The following MALRD1 variants were observed in gnomAD, a reference collection of about 807,000 sequenced individuals.
The protein encoded by MALRD1 is MAM and LDL-receptor class A domain-containing protein 1.
MALRD1 carries 247 observed loss-of-function variants against 242.1 expected under a neutral mutation model. That is an observed-to-expected ratio of 1.02 (90% CI 0.92 to 1.13). The LOEUF is 1.13. MALRD1 is among the 50% of genes most tolerant of loss of function. The pLI is 0.00. For missense variants in MALRD1, 2,989 were observed against 2,533.1 expected (o/e 1.18, Z -3.86); for synonymous variants, 995 against 866.6 (o/e 1.15, Z -2.60).
intron 38 of MALRD1, among the ~76,000 whole-genome samples, chr10:19,728,720 C>A (rs570352116): frequency 4.6e-5 from 7 of 152,198 alleles, no homozygotes; most frequent in African/African-American, 1.4e-4. Flanking sequence ...TTTTGATCAT[C>A]CCTACTTCCA....
At position 19,660,285 on chromosome 10, in the gene MALRD1, T is replaced by C. The variant is rs140283985; in HGVS notation, c.6138-31997T>C. Among the ~76,000 whole-genome samples the C allele has an allele frequency of 3.0e-4, 45 of 152,304 alleles. No homozygotes were observed. In the East Asian group the frequency reaches 8.5e-3, roughly 29 times the overall value. ...TTGATTTTAAGTTTTCTTCTTTTTC[T>C]CTGTGACATTCTGGGTTATACAGCC... On this transcript the variant is annotated intron_variant, in intron 36 of 39. Coordinates refer to ENST00000454679, the MANE Select transcript of MALRD1 (RefSeq NM_001142308.3).
chr10:19,264,898 G>A (rs80030583), intron 19 of MALRD1, among the ~76,000 whole-genome samples: 1,630 of 152,264 alleles, frequency 0.011, 34 homozygotes, highest in African/African-American at 0.036. Context: ...TTTGGTGGGA[G>A]ATTTTGGTTA....
At chr10:19,667,320 C>G (rs1841718421) in intron 36 of MALRD1, among the ~76,000 whole-genome samples, 1 of 152,068 alleles carries the variant, frequency 6.6e-6, no homozygotes, top group African/African-American at 2.4e-5. Flanking sequence ...AATATCTGGA[C>G]TCAGTAACAG....
At chr10:19,378,978 A>G (rs1042693215) in intron 26 of MALRD1, among the ~76,000 whole-genome samples, 4 of 152,098 alleles carry the variant, frequency 2.6e-5, no homozygotes, top group Admixed American at 6.6e-5. Context: ...GCTTCTATCC[A>G]TGTAATAGTT....
At chr10:19,689,345 G>A (rs558121661) in intron 36 of MALRD1, among the ~76,000 whole-genome samples, 31 of 152,216 alleles carry the variant, frequency 2.0e-4, no homozygotes, top group Non-Finnish European at 4.0e-4. Flanking sequence ...TAGGCATGAA[G>A]GTTTGTGTTT....
intron 36 of MALRD1, among the ~76,000 whole-genome samples, chr10:19,642,513 A>G (rs767805100): frequency 2.6e-5 from 4 of 152,182 alleles, no homozygotes; most frequent in Non-Finnish European, 4.4e-5. Context: ...GCAAAATAAT[A>G]CAAAACAAGC....
At chr10:19,283,297 G>C (rs1431156065) in intron 21 of MALRD1, 116 bp downstream of exon 21, 9 of 876,792 alleles carry the variant, frequency 1.0e-5, no homozygotes, top group Non-Finnish European at 1.4e-5. Flanking sequence ...CAAATGTTAA[G>C]TTGAAAAGGA....
chr10:19,660,817 A>G (rs1841394151), intron 36 of MALRD1, among the ~76,000 whole-genome samples: 1 of 152,180 alleles, frequency 6.6e-6, no homozygotes, highest in African/African-American at 2.4e-5. Context: ...ACTATTTTAC[A>G]ATTGGATTTC....
Position 19,531,365 on chromosome 10 carries a change from C to G in MALRD1, c.5478+14C>G. On this transcript the variant is annotated intron_variant, in intron 32 of 39. Coordinates refer to ENST00000454679, the MANE Select transcript of MALRD1 (RefSeq NM_001142308.3). The stretch of plus-strand genomic sequence containing the variant: ...GGAATATTAAAGGTACAAAAGGAAG[C>G]CAGAGATTTATGATCACTGAAATAT... The G allele has an allele frequency of 6.6e-7, 1 of 1,511,360 alleles. No homozygotes were observed. The highest frequency in any genetic ancestry group is 1.3e-5 in the South Asian group (1 of 79,078). The allele number at this position is 1,511,360 out of a possible 1,614,324, so 93.6% of individuals were successfully genotyped here.
chr10:19,539,237 A>G (rs1313805564), intron 32 of MALRD1, among the ~76,000 whole-genome samples: 2 of 152,292 alleles, frequency 1.3e-5, no homozygotes, highest in South Asian at 2.1e-4. Flanking sequence ...CTACATTTTA[A>G]CAGGTAAGGC....
intron 21 of MALRD1, among the ~76,000 whole-genome samples, chr10:19,305,824 C>T (rs1418488171): frequency 7.5e-6 from 1 of 134,168 alleles, no homozygotes; most frequent in Non-Finnish European, 1.6e-5. Context: ...TATGTATATA[C>T]TATATATACT....
intron 18 of MALRD1, among the ~76,000 whole-genome samples, chr10:19,218,360 G>A (rs1009194699): frequency 6.6e-6 from 1 of 151,960 alleles, no homozygotes; most frequent in Non-Finnish European, 1.5e-5. Context: ...TTTTTCTTAT[G>A]AACAGGCTAC....
chr10:19,529,552 G>A (rs1480499848), intron 31 of MALRD1, among the ~76,000 whole-genome samples: 2 of 143,802 alleles, frequency 1.4e-5, no homozygotes, highest in African/African-American at 5.2e-5. Context: ...CAGGAGGGGG[G>A]GGGAGAAAAC....
At chr10:19,125,298 C>T (rs768128484) in intron 7 of MALRD1, among the ~76,000 whole-genome samples, 2,045 of 49,302 alleles carry the variant, frequency 0.041, 125 homozygotes, top group South Asian at 0.078. Flanking sequence ...TCTTTCCTTC[C>T]TTCCTTCCTT....
At chr10:19,066,569 T>C (rs1386199736) in intron 1 of MALRD1, 150 bp from the exon 2 acceptor site, 3 of 573,328 alleles carry the variant, frequency 5.2e-6, no homozygotes, top group Non-Finnish European at 5.2e-6. Flanking sequence ...ATAAAAAGCT[T>C]TGCATGAATA....
At chr10:19,323,436 C>T (rs1325492575) in intron 21 of MALRD1, among the ~76,000 whole-genome samples, 10 of 152,092 alleles carry the variant, frequency 6.6e-5, no homozygotes, top group Admixed American at 5.9e-4. Context: ...ATTTTATACA[C>T]ATTGTACCAA....
chr10:19,653,968 C>T (rs961050228), intron 36 of MALRD1, among the ~76,000 whole-genome samples: 4 of 152,120 alleles, frequency 2.6e-5, no homozygotes, highest in Non-Finnish European at 4.4e-5. Context: ...TAATCACAAG[C>T]GTTAACTTTT....
At chr10:19,310,088 C>T (rs1842364022) in intron 21 of MALRD1, among the ~76,000 whole-genome samples, 1 of 151,410 alleles carries the variant, frequency 6.6e-6, no homozygotes, top group Admixed American at 6.6e-5. Flanking sequence ...CAGTGTCTCA[C>T]ACAGGCCAAA....
At chr10:19,163,159 A>AAAAAAAAAAAAAAAAAAAAAAAAAAG (rs1834513429) in intron 12 of MALRD1, among the ~76,000 whole-genome samples, 1 of 148,462 alleles carries the variant, frequency 6.7e-6, no homozygotes, top group Non-Finnish European at 1.5e-5. Context: ...AAAAAAAAAA[A>AAAAAAAAAAAAAAAAAAAAAAAAAAG]AAAAAAGACA....
Sources: gnomAD v4.1 joint callset for allele counts (sites outside exome capture counted in the v4.1 genomes callset) on GRCh38, gnomAD v4.1.1 for gene constraint, MANE v1.5 for transcripts, NCBI Gene and HGNC (gene_info 2026-07-23, HGNC 2026-07-21) for gene names.